The following SLC7A7 variants were observed in gnomAD, a reference collection of about 807,000 sequenced individuals.
The protein encoded by SLC7A7 is Y+L amino acid transporter 1.
In SLC7A7, 39 loss-of-function variants were observed where a neutral mutation model predicts 47.9. That is an observed-to-expected ratio of 0.81 (90% CI 0.63 to 1.06). The LOEUF is 1.06. Ranked by LOEUF, SLC7A7 falls within the 50% of genes least tolerant of loss-of-function variation. The pLI, the probability that SLC7A7 is intolerant of heterozygous loss-of-function variation, is 0.00. For missense variants in SLC7A7, 588 were observed against 632.0 expected (o/e 0.93, Z 0.75); for synonymous variants, 234 against 242.8 (o/e 0.96, Z 0.34).
intron 4 of SLC7A7, among the ~76,000 whole-genome samples, chr14:22,778,106 T>C (rs563235591): frequency 6.6e-6 from 1 of 152,130 alleles, no homozygotes; most frequent in South Asian, 2.1e-4. Context: ...GAAACTCCAC[T>C]CCCTGGCAAA....
chr14:22,800,888 G>A (rs1384385107), intron 2 of SLC7A7, among the ~76,000 whole-genome samples: 3 of 151,988 alleles, frequency 2.0e-5, no homozygotes, highest in East Asian at 3.9e-4. Context: ...GCAGTGAGCC[G>A]AGATCGCGCC....
rs539034242 is a variant in SLC7A7, at chr14:22,815,097, T to G, written c.-43+223A>C. 3.7e-5 allele frequency: 13 copies of G among 346,764 alleles called. No homozygotes were observed. The East Asian group carries it at 9.8e-4, about 26-fold the overall frequency. The allele number at this position is 346,764 out of a possible 1,614,324, so 21.5% of individuals were successfully genotyped here. On this transcript the variant is annotated intron_variant, in intron 1 of 9. Coordinates refer to ENST00000674313, the MANE Select transcript of SLC7A7 (RefSeq NM_003982.4). The stretch of plus-strand genomic sequence containing the variant: ...CCCCAGAGTTGCTGCTGGAGAGATA[T>G]CACCCCGAGCCAAGGCAGGGAGACA...
intron 2 of SLC7A7, among the ~76,000 whole-genome samples, chr14:22,790,937 G>A (rs574179553): frequency 6.7e-6 from 1 of 150,110 alleles, no homozygotes; most frequent in Non-Finnish European, 1.5e-5. Context: ...GGCGGAGGTT[G>A]CAGTGAGCTA....
chr14:22,776,734 G>A (rs1441748786), intron 4 of SLC7A7, among the ~76,000 whole-genome samples: 4 of 152,118 alleles, frequency 2.6e-5, no homozygotes, highest in Admixed American at 1.3e-4. Context: ...TTGGGAGGCC[G>A]AGCCGGGTGG....
intron 2 of SLC7A7, among the ~76,000 whole-genome samples, chr14:22,795,069 T>G (rs1182862208): frequency 7.6e-6 from 1 of 131,386 alleles, no homozygotes; most frequent in Admixed American, 1.0e-4. Flanking sequence ...TATTGTTTTC[T>G]TTCTTTCTTT....
At chr14:22,779,306 G>C (rs1299366445) in intron 3 of SLC7A7, among the ~76,000 whole-genome samples, 1 of 152,180 alleles carries the variant, frequency 6.6e-6, no homozygotes, top group Non-Finnish European at 1.5e-5. Context: ...CAGCTCCCAG[G>C]GCATGGCTGT....
chr14:22,795,659 A>T (rs2039010144), intron 2 of SLC7A7, among the ~76,000 whole-genome samples: 1 of 151,604 alleles, frequency 6.6e-6, no homozygotes, highest in Admixed American at 6.6e-5. Context: ...TATTTTTAGT[A>T]GAGACGGGTT....
Position 22,786,021 on chromosome 14 carries a change from C to CAAAAA in SLC7A7, c.500-5975_500-5971dup, listed in dbSNP as rs1233024478. Among the ~76,000 whole-genome samples the CAAAAA allele has an allele frequency of 5.4e-5, 4 of 74,004 alleles. 1 individual carries two copies. Among genetic ancestry groups the CAAAAA allele is most frequent in the Non-Finnish European group, 5.0e-5 (2 of 40,324 alleles). 48.5% of individuals were successfully genotyped at this position (74,004 alleles called of 152,430 possible). On this transcript the variant is annotated intron_variant, in intron 2 of 9. Coordinates refer to ENST00000674313, the MANE Select transcript of SLC7A7 (RefSeq NM_003982.4). ...TGGGCCACAGAGCGAGACTCTGTCT[C>CAAAAA]AAAAAAAAAAAAAAAAAAGCCAGGT...
At chr14:22,780,380 C>T (rs1156967449) in intron 2 of SLC7A7, 4 of 308,670 alleles carry the variant, frequency 1.3e-5, no homozygotes, top group African/African-American at 6.4e-5. Flanking sequence ...GTGATTGTTC[C>T]GGCTCTTGGC....
At chr14:22,802,184 C>G (rs928797154) in intron 2 of SLC7A7, among the ~76,000 whole-genome samples, 1 of 152,180 alleles carries the variant, frequency 6.6e-6, no homozygotes, top group Non-Finnish European at 1.5e-5. Context: ...AGGCAGATCA[C>G]TTGAGTTCAG....
intron 2 of SLC7A7, among the ~76,000 whole-genome samples, chr14:22,797,310 G>A (rs2139430592): frequency 6.6e-6 from 1 of 152,268 alleles, no homozygotes; most frequent in African/African-American, 2.4e-5. Context: ...AGCTTCAGGA[G>A]GTGCCATCTG....
upstream of SLC7A7, among the ~76,000 whole-genome samples, chr14:22,818,507 C>T (rs1266336294): frequency 6.6e-6 from 1 of 151,944 alleles, no homozygotes; most frequent in Non-Finnish European, 1.5e-5. Flanking sequence ...ATTCAGGCAG[C>T]CCCACCATTC....
intron 2 of SLC7A7, among the ~76,000 whole-genome samples, chr14:22,787,942 G>A (rs541308104): frequency 2.2e-4 from 33 of 150,868 alleles, no homozygotes; most frequent in Non-Finnish European, 1.2e-4. Flanking sequence ...GCGTGGTGGC[G>A]GGTGCCTGTA....
Position 22,782,441 on chromosome 14 carries a change from C to CTTATTTAT in SLC7A7, c.500-2398_500-2391dup, listed in dbSNP as rs200252561. Among the ~76,000 whole-genome samples the CTTATTTAT allele has an allele frequency of 2.2e-4, 32 of 148,566 alleles. No individual in the cohort carries two copies. In the East Asian group the frequency reaches 4.8e-3, roughly 22 times the overall value. ...TTTTTTTTATTTACTTATTTATTGA[C>CTTATTTAT]TTATTTATTTATTTATTTATTTATT... On this transcript the variant is annotated intron_variant, in intron 2 of 9. Coordinates refer to ENST00000674313, the MANE Select transcript of SLC7A7 (RefSeq NM_003982.4).
intron 1 of SLC7A7, 164 bp downstream of exon 1, chr14:22,815,156 G>C (rs1036250694): frequency 2.8e-6 from 1 of 355,598 alleles, no homozygotes; most frequent in Non-Finnish European, 5.6e-6. Context: ...GGAAAACACC[G>C]AACAGGAGAC....
chr14:22,796,036 C>T (rs1343406745), intron 2 of SLC7A7, among the ~76,000 whole-genome samples: 1 of 152,170 alleles, frequency 6.6e-6, no homozygotes, highest in Non-Finnish European at 1.5e-5. Context: ...AACAAACCCA[C>T]ACTAGAACCC....
intron 2 of SLC7A7, among the ~76,000 whole-genome samples, chr14:22,790,866 T>C (rs1353864237): frequency 2.0e-5 from 3 of 151,866 alleles, no homozygotes; most frequent in Admixed American, 6.6e-5. Flanking sequence ...GGTGTGGTGG[T>C]GTGCGCCTGT....
chr14:22,809,039 G>C (rs1333424624), intron 2 of SLC7A7, among the ~76,000 whole-genome samples: 1 of 152,192 alleles, frequency 6.6e-6, no homozygotes, highest in African/African-American at 2.4e-5. Context: ...GTGTGCACAA[G>C]TGCTGTGCAC....
intron 2 of SLC7A7, among the ~76,000 whole-genome samples, chr14:22,797,664 G>T (rs76419419): frequency 2.0e-5 from 3 of 152,088 alleles, no homozygotes; most frequent in East Asian, 1.9e-4. Flanking sequence ...CTGCTGGGGT[G>T]GGGGAGGGGA....
Sources: gnomAD v4.1 joint callset for allele counts (sites outside exome capture counted in the v4.1 genomes callset) on GRCh38, gnomAD v4.1.1 for gene constraint, MANE v1.5 for transcripts, NCBI Gene and HGNC (gene_info 2026-07-23, HGNC 2026-07-21) for gene names.